OTOF: variants seen among roughly 807,000 people sequenced by gnomAD.
OTOF encodes otoferlin.
In OTOF, 218 loss-of-function variants were observed where a neutral mutation model predicts 236.8. The ratio of observed to expected loss-of-function variants is 0.92; its 90% confidence interval spans 0.82 to 1.03. The LOEUF is 1.03. Among genes scored for constraint, OTOF ranks in the 50% least tolerant of loss-of-function variants. The pLI, the probability that OTOF is intolerant of heterozygous loss-of-function variation, is 0.00. For synonymous variants in OTOF, 1,041 were observed against 1,072.5 expected (o/e 0.97, Z 0.57); for missense variants, 2,590 against 2,694.4 (o/e 0.96, Z 0.86).
Position 26,474,103 on chromosome 2 carries a change from G to T in OTOF, c.3296C>A (p.Pro1099Gln). Reference protein sequence around the residue: ...LAAFELLQIGPAGKADLPPIN... With the variant: ...LAAFELLQIGQAGKADLPPIN... ...GGGGGGCAGGTCAGCCTTCCCTGCT[G>T]GTCCAATCTGGGGAATGGGGGTCAC... The change falls in exon 27 of 47, where the codon CCA becomes CAA. Residue 1099 changes from proline (P) to glutamine (Q), a missense_variant. Pro to Gln is a moderately conservative substitution (Grantham distance 76). Coordinates refer to ENST00000272371, the MANE Select transcript of OTOF (RefSeq NM_194248.3). 1 of 1,612,898 alleles carries T rather than the reference G, an allele frequency of 6.2e-7. No individual in the cohort carries two copies. Among genetic ancestry groups the T allele is most frequent in the Admixed American group, 1.7e-5 (1 of 60,012 alleles).
rs1460020519 is a variant in OTOF, at chr2:26,460,500, T to C, written c.5813+147A>G. 1 of 718,616 alleles carries C rather than the reference T, an allele frequency of 1.4e-6. No homozygotes were observed. The highest frequency in any genetic ancestry group is 2.1e-5 in the Admixed American group (1 of 46,816). 44.5% of individuals were successfully genotyped at this position (718,616 alleles called of 1,614,324 possible). On this transcript the variant is annotated intron_variant, in intron 45 of 46. Coordinates refer to ENST00000272371, the MANE Select transcript of OTOF (RefSeq NM_194248.3). The surrounding 1 kb of genome is among the most constrained non-coding windows in gnomAD (Gnocchi z 5.3). ...TCTGGTTCAAAGGGACGTTGTGGGATTCAGGGTTGGCAGAGGGCAGGGAGG... is the reference window on the plus strand; with the variant it reads ...TCTGGTTCAAAGGGACGTTGTGGGACTCAGGGTTGGCAGAGGGCAGGGAGG...
chr2:26,497,830 CTT>C (rs1403269718), intron 8 of OTOF, among the ~76,000 whole-genome samples: 1 of 152,218 alleles, frequency 6.6e-6, no homozygotes, highest in Non-Finnish European at 1.5e-5. Context: ...GACTAACTAA[CTT>C]AGCTCTGAGA....
intron 13 of OTOF, among the ~76,000 whole-genome samples, chr2:26,483,258 A>G (rs185030214): frequency 1.4e-4 from 22 of 152,132 alleles, no homozygotes; most frequent in African/African-American, 5.1e-4. Context: ...CCACACCCCC[A>G]GCCTCTCCTC....
chr2:26,480,921 G>C lies in OTOF; in HGVS notation c.1668C>G (p.Asn556Lys). The change falls in exon 15 of 47, where the codon AAC becomes AAG. Residue 556 changes from asparagine to lysine, a missense_variant. Asn to Lys is a moderately conservative substitution (Grantham distance 94). Coordinates refer to ENST00000272371, the MANE Select transcript of OTOF (RefSeq NM_194248.3). ...AGGACACACCCTCCCCCAGGCCCTC[G>C]TTCAGGTCCTGATGCTCATCCAGCA... ...YTLLDEHQDL[N>K]EGLGEGVSFR... The C allele has an allele frequency of 6.2e-7, 1 of 1,612,950 alleles. No individual in the cohort carries two copies. The highest frequency in any genetic ancestry group is 2.2e-5 in the East Asian group (1 of 44,882).
At chr2:26,474,941 G>T (rs568555096) in intron 25 of OTOF, among the ~76,000 whole-genome samples, 1 of 151,962 alleles carries the variant, frequency 6.6e-6, no homozygotes, top group Non-Finnish European at 1.5e-5. Flanking sequence ...AGCTGAGGTG[G>T]TATGTGAGAA....
rs1558476683 is a variant in OTOF, at chr2:26,471,139, A to G, written c.3876T>C (p.Ala1292=). ...TMVKLDATSE[A]VVKVDVAEEE... is the part of the protein sequence containing the mutation. The stretch of plus-strand genomic sequence containing the variant: ...CACTCACCACATCCACCTTGACAAC[A>G]GCTTCAGAAGTCTGCAGAGGAACCA... Residue 1292 remains alanine, a synonymous_variant, in exon 31 of 47, where the codon GCT becomes GCC. Coordinates refer to ENST00000272371, the MANE Select transcript of OTOF (RefSeq NM_194248.3). 6.2e-7 allele frequency: 1 copy of G among 1,614,068 alleles called. No homozygotes were observed. Among genetic ancestry groups the G allele is most frequent in the Non-Finnish European group, 8.5e-7 (1 of 1,179,976 alleles).
Position 26,495,064 on chromosome 2 carries a change from T to A in OTOF, c.775A>T (p.Thr259Ser). 14 of 1,614,036 alleles carry A rather than the reference T, an allele frequency of 8.7e-6. No homozygotes were observed. Among genetic ancestry groups the A allele is most frequent in the Non-Finnish European group, 1.2e-5 (14 of 1,179,984 alleles). ...ACCAGCTGCCGGGCCTCGATCACCGTGATGCTGACCTGCAGGCAGGAGAAG... is the reference window on the plus strand; with the variant it reads ...ACCAGCTGCCGGGCCTCGATCACCGAGATGCTGACCTGCAGGCAGGAGAAG... Reference protein sequence around the residue: ...GRPMDYQVSITVIEARQLVGL... With the variant: ...GRPMDYQVSISVIEARQLVGL... The change falls in exon 9 of 47, where the codon ACG becomes TCG. Residue 259 changes from threonine (T) to serine (S), a missense_variant. Coordinates refer to ENST00000272371, the MANE Select transcript of OTOF (RefSeq NM_194248.3).
In OTOF at chr2:26,501,772, C is replaced by T; in HGVS notation, c.747G>A (p.Gly249=). Residue 249 remains glycine (G), a synonymous_variant, in exon 8 of 47, where the codon GGG becomes GGA. Transcript: ENST00000272371. The part of the protein sequence containing the change: ...KPDIKMEPSA[G]RPMDYQVSIT... ...CACCTACCTGGTAATCCATGGGCCG[C>T]CCAGCACTTGGCTCCATCTTAATGT... 1 of 1,613,802 alleles carries T rather than the reference C, an allele frequency of 6.2e-7. No homozygotes were observed. The highest frequency in any genetic ancestry group is 8.5e-7 in the Non-Finnish European group (1 of 1,179,702).
intron 1 of OTOF, among the ~76,000 whole-genome samples, chr2:26,542,629 G>C (rs910624968): frequency 6.6e-6 from 1 of 152,188 alleles, no homozygotes; most frequent in Non-Finnish European, 1.5e-5. Context: ...GGAAATCCAG[G>C]CAGAGAGAAC....
At chr2:26,551,814 A>G (rs1667468749) in intron 1 of OTOF, among the ~76,000 whole-genome samples, 1 of 152,248 alleles carries the variant, frequency 6.6e-6, no homozygotes, top group Non-Finnish European at 1.5e-5. Flanking sequence ...TTATAGTACT[A>G]AGGAATTGTT....
chr2:26,482,344 A>G lies in OTOF; in HGVS notation c.1579+62T>C, dbSNP rs1052675702. ...GTGGTGTGAAGAGAGGGCATCTCAC[A>G]TATTCCTTCCCTTCAGGCCACTCCC... On this transcript the variant is annotated intron_variant, in intron 14 of 46. Transcript: ENST00000272371. The G allele has an allele frequency of 2.7e-6, 4 of 1,481,904 alleles. No individual in the cohort carries two copies. The Admixed American group carries it at 5.0e-5, about 19-fold the overall frequency. 91.8% of individuals were successfully genotyped at this position (1,481,904 alleles called of 1,614,324 possible).
rs1458339208 is a variant in OTOF at position 26,461,063 on chromosome 2, C to T, written c.5534-33G>A. 1.9e-6 allele frequency: 1 copy of T among 535,394 alleles called. No homozygotes were observed. The highest frequency in any genetic ancestry group is 6.2e-5 in the East Asian group (1 of 16,182). The allele number at this position is 535,394 out of a possible 1,614,324, so 33.2% of individuals were successfully genotyped here. On this transcript the variant is annotated intron_variant, in intron 43 of 46. Coordinates refer to ENST00000272371, the MANE Select transcript of OTOF (RefSeq NM_194248.3). This position sits in a 1 kb window ranked among gnomAD's most constrained non-coding sequence, Gnocchi z 6.2. Reference sequence around the variant, plus strand: ...AACCTCAGTGTCAGCTCAGAGTGAACAGGGCTGGGGTGGGGCGGGGTGGGG... The same window carrying T: ...AACCTCAGTGTCAGCTCAGAGTGAATAGGGCTGGGGTGGGGCGGGGTGGGG...
At chr2:26,530,479 GTTC>G (rs1487818160) in intron 2 of OTOF, among the ~76,000 whole-genome samples, 3 of 152,174 alleles carry the variant, frequency 2.0e-5, no homozygotes, top group South Asian at 2.1e-4. Context: ...AGCGGGGAAT[GTTC>G]TTCTTGGAGG....
chr2:26,509,451 T>C (rs547696145), intron 5 of OTOF, among the ~76,000 whole-genome samples: 1 of 152,320 alleles, frequency 6.6e-6, no homozygotes, highest in East Asian at 1.9e-4. Flanking sequence ...CCTCCATCAC[T>C]ACAGAGTTAA....
Position 26,468,459 on chromosome 2 carries a change from CTTG to C in OTOF, c.4036_4038del (p.Gln1346del), listed in dbSNP as rs745409177. The stretch of plus-strand genomic sequence containing the variant: ...TCCTCCAAGTCAATTCCAGAGGGCT[CTTG>C]TTGTCGAAGTTGCTGCCAAAAGATG... On this transcript the variant is annotated inframe_deletion, in exon 33 of 47. Coordinates refer to ENST00000272371, the MANE Select transcript of OTOF (RefSeq NM_194248.3). The C allele has an allele frequency of 4.2e-5, 68 of 1,614,018 alleles. No homozygotes were observed. In the South Asian group the frequency reaches 6.5e-4, roughly 15 times the overall value.
chr2:26,459,518 C>G (rs954510210), intron 46 of OTOF, among the ~76,000 whole-genome samples: 4 of 144,514 alleles, frequency 2.8e-5, no homozygotes, highest in Admixed American at 7.1e-5. Context: ...TGCCACTGCA[C>G]TCTAGCCTGG....
At chr2:26,489,114 G>A (rs1019111253) in intron 11 of OTOF, 97 bp downstream of exon 11, 24 of 887,704 alleles carry the variant, frequency 2.7e-5, no homozygotes, top group Non-Finnish European at 4.0e-5. Flanking sequence ...GTCCTTGCCA[G>A]CCTTTTCCCA....
chr2:26,529,494 C>A (rs77644981), intron 2 of OTOF, among the ~76,000 whole-genome samples: 3,625 of 152,252 alleles, frequency 0.024, 72 homozygotes, highest in Non-Finnish European at 0.037. Context: ...AAACAAGGAA[C>A]TCGGCCTCAG....
At position 26,471,123 on chromosome 2, in the gene OTOF, C is replaced by T. The variant is rs373388294; in HGVS notation, c.3892G>A (p.Val1298Met). The T allele has an allele frequency of 1.2e-5, 20 of 1,614,032 alleles. No homozygotes were observed. Among genetic ancestry groups the T allele is most frequent in the Admixed American group, 3.3e-5 (2 of 60,014 alleles). Residue 1298 changes from valine to methionine, a missense_variant and splice_region_variant, in exon 31 of 47, where the codon GTG becomes ATG. By Grantham distance (21) the Val-to-Met change is conservative. Transcript: ENST00000272371. ...CCCTGCATGGCCCCCACACTCACCA[C>T]ATCCACCTTGACAACAGCTTCAGAA... is the stretch of plus-strand genomic sequence containing the variant. ...ATSEAVVKVDVAEEEKEKKKK... is the reference protein window; with the variant it reads ...ATSEAVVKVDMAEEEKEKKKK...
Sources: allele counts gnomAD v4.1 joint callset (sites outside exome capture counted in the v4.1 genomes callset), GRCh38; gene constraint gnomAD v4.1.1; non-coding constraint Gnocchi (gnomAD v3.1); transcripts MANE v1.5; gene names NCBI Gene and HGNC (gene_info 2026-07-23, HGNC 2026-07-21).